The following BIN2 variants were observed in gnomAD, a reference collection of about 807,000 sequenced individuals.
BIN2 encodes the protein bridging integrator 2.
BIN2 carries 43 observed loss-of-function variants against 67.9 expected under a neutral mutation model. The ratio of observed to expected loss-of-function variants is 0.63; its 90% CI spans 0.50 to 0.82. The LOEUF is 0.82. Among genes scored for constraint, BIN2 ranks in the 40% least tolerant of loss-of-function variants. BIN2 has a pLI of 0.00. For synonymous variants in BIN2, 244 were observed against 246.8 expected (o/e 0.99, Z 0.11); for missense variants, 581 against 671.6 (o/e 0.87, Z 1.49).
At chr12:51,312,262 C>T (rs1042634661) in intron 2 of BIN2, among the ~76,000 whole-genome samples, 3 of 152,202 alleles carry the variant, frequency 2.0e-5, no homozygotes, top group African/African-American at 4.8e-5. Flanking sequence ...CCATCACAAC[C>T]TTATACAAAA....
intron 1 of BIN2, among the ~76,000 whole-genome samples, chr12:51,320,954 AAC>A (rs59450014): frequency 6.1e-5 from 9 of 147,300 alleles, no homozygotes; most frequent in East Asian, 2.0e-4. Flanking sequence ...CACACACACA[AAC>A]ACACACACAC....
intron 2 of BIN2, among the ~76,000 whole-genome samples, 157 bp from the exon 3 acceptor site, chr12:51,303,298 A>G (rs1350950447): frequency 6.6e-6 from 1 of 152,134 alleles, no homozygotes; most frequent in Non-Finnish European, 1.5e-5. Context: ...TTCTTTACCA[A>G]CCTGTTGTAG....
At chr12:51,312,038 C>G (rs1946010003) in intron 2 of BIN2, among the ~76,000 whole-genome samples, 1 of 152,128 alleles carries the variant, frequency 6.6e-6, no homozygotes, top group Non-Finnish European at 1.5e-5. Context: ...TCCCAAAGTG[C>G]TGGGATTATA....
At chr12:51,323,941 C>A in intron 1 of BIN2, 81 bp downstream of exon 1, 1 of 1,560,214 alleles carries the variant, frequency 6.4e-7, no homozygotes, top group Non-Finnish European at 8.7e-7. Flanking sequence ...GAGCACCCTG[C>A]CCGCCCCTCC....
At chr12:51,312,889 T>C (rs575894865) in intron 2 of BIN2, among the ~76,000 whole-genome samples, 12 of 152,250 alleles carry the variant, frequency 7.9e-5, no homozygotes, top group African/African-American at 2.9e-4. Context: ...AACCCATTAA[T>C]ATAATTTTAA....
rs1168899685 is a variant in BIN2, at chr12:51,305,826, C to CTTTTT, written c.163-2690_163-2686dup. Among the ~76,000 whole-genome samples, 391 of 82,462 alleles carry CTTTTT rather than the reference C, an allele frequency of 4.7e-3. 4 individuals carry two copies. The highest frequency in any genetic ancestry group is 7.6e-3 in the East Asian group (17 of 2,240). The allele number at this position is 82,462 out of a possible 152,430, so 54.1% of individuals were successfully genotyped here. A position where few individuals can be genotyped will look rare whatever the true frequency, so the allele number is the denominator to read the frequency against. On this transcript the variant is annotated intron_variant, in intron 2 of 12. Coordinates refer to ENST00000615107, the MANE Select transcript of BIN2 (RefSeq NM_016293.4). ...GCCTCCAGAGCTCACTGTTTTCTTTCTTTTTTTTTTTTTTTTTTTTTTTTT... is the reference window on the plus strand; with the variant it reads ...GCCTCCAGAGCTCACTGTTTTCTTTCTTTTTTTTTTTTTTTTTTTTTTTTTTTTTT...
At chr12:51,300,999 C>T (rs1253580024) in intron 5 of BIN2, among the ~76,000 whole-genome samples, 4 of 152,264 alleles carry the variant, frequency 2.6e-5, no homozygotes, top group East Asian at 1.9e-4. Flanking sequence ...GGGCGGATCA[C>T]CTGATGTCAG....
chr12:51,322,242 T>G (rs1298474410), intron 1 of BIN2, among the ~76,000 whole-genome samples: 1 of 152,162 alleles, frequency 6.6e-6, no homozygotes, highest in Non-Finnish European at 1.5e-5. Context: ...GTGCAAGATC[T>G]GAAGCCCAGA....
At chr12:51,302,328 A>G (rs1945747174) in intron 4 of BIN2, 2 of 553,128 alleles carry the variant, frequency 3.6e-6, no homozygotes, top group Non-Finnish European at 6.5e-6. Context: ...TTCAGAGATT[A>G]AGAACAGGGC....
At position 51,281,390 on chromosome 12, in the gene BIN2, T is replaced by G; in HGVS notation, c.*109A>C. 8.1e-7 allele frequency: 1 copy of G among 1,241,726 alleles called. No homozygotes were observed. Among genetic ancestry groups the G allele is most frequent in the Non-Finnish European group, 1.2e-6 (1 of 846,968 alleles). 76.9% of individuals were successfully genotyped at this position (1,241,726 alleles called of 1,614,324 possible). On this transcript the variant is annotated 3_prime_UTR_variant, in exon 13 of 13. Transcript: ENST00000615107. Reference sequence around the variant, plus strand: ...CTTTAGACAGCACCAGCATTCCTACTGAGAACCCAGGGATGGATGCTGGCT... The same window carrying G: ...CTTTAGACAGCACCAGCATTCCTACGGAGAACCCAGGGATGGATGCTGGCT...
In BIN2 at chr12:51,303,155, G is replaced by T. The variant is rs780512143; in HGVS notation, c.163-14C>A. On this transcript the variant is annotated splice_polypyrimidine_tract_variant and intron_variant, in intron 2 of 12. Coordinates refer to ENST00000615107, the MANE Select transcript of BIN2 (RefSeq NM_016293.4). ...GTGGCCTTCTGCCTGAAAGAGAAAA[G>T]TACATTTGGTGACTAAAGAGATTAA... is the stretch of plus-strand genomic sequence containing the variant. 6 of 1,613,144 alleles carry T rather than the reference G, an allele frequency of 3.7e-6. No homozygotes were observed. The South Asian group carries it at 6.6e-5, about 18-fold the overall frequency.
chr12:51,301,426 G>A (rs1455035588), intron 5 of BIN2, among the ~76,000 whole-genome samples: 1 of 152,128 alleles, frequency 6.6e-6, no homozygotes, highest in African/African-American at 2.4e-5. Flanking sequence ...GCCATCAGCT[G>A]TTTCTCACAG....
At chr12:51,293,887 A>C (rs1018080466) in intron 9 of BIN2, among the ~76,000 whole-genome samples, 1 of 152,216 alleles carries the variant, frequency 6.6e-6, no homozygotes, top group Non-Finnish European at 1.5e-5. Flanking sequence ...GATGGGTGGT[A>C]AACTGGAATT....
chr12:51,281,640 G>A (rs1390391962), intron 12 of BIN2, 112 bp from the exon 13 acceptor site: 3 of 1,118,676 alleles, frequency 2.7e-6, no homozygotes, highest in Non-Finnish European at 4.1e-6. Flanking sequence ...TAATGCCACT[G>A]GCCTCTCTTG....
At chr12:51,308,116 C>T (rs778774604) in intron 2 of BIN2, among the ~76,000 whole-genome samples, 2 of 152,000 alleles carry the variant, frequency 1.3e-5, no homozygotes, top group South Asian at 2.1e-4. Flanking sequence ...TCTGTCCCCC[C>T]CTGGAATATA....
intron 11 of BIN2, among the ~76,000 whole-genome samples, chr12:51,287,154 T>A (rs1436832688): frequency 6.6e-6 from 1 of 151,594 alleles, no homozygotes; most frequent in Non-Finnish European, 1.5e-5. Context: ...AAATTTTTTT[T>A]AAAGAGATGG....
At chr12:51,287,583 C>T (rs1268673734) in intron 11 of BIN2, among the ~76,000 whole-genome samples, 10 of 151,962 alleles carry the variant, frequency 6.6e-5, no homozygotes, top group African/African-American at 9.7e-5. Context: ...TCAGGTGATC[C>T]GCCCACCTCG....
intron 8 of BIN2, among the ~76,000 whole-genome samples, chr12:51,296,168 T>C (rs971937351): frequency 5.3e-5 from 8 of 152,062 alleles, no homozygotes; most frequent in African/African-American, 1.9e-4. Flanking sequence ...TCACAGGTGA[T>C]CCAGGGAATG....
At chr12:51,313,240 C>CAGGA (rs1946044312) in intron 2 of BIN2, among the ~76,000 whole-genome samples, 1 of 137,328 alleles carries the variant, frequency 7.3e-6, no homozygotes, top group African/African-American at 2.8e-5. Flanking sequence ...GGCAGGCAGG[C>CAGGA]AGGCAGGCAG....
Sources: gnomAD v4.1 joint callset for allele counts (sites outside exome capture counted in the v4.1 genomes callset) on GRCh38, gnomAD v4.1.1 for gene constraint, MANE v1.5 for transcripts, NCBI Gene and HGNC (gene_info 2026-07-23, HGNC 2026-07-21) for gene names.